DDX41: variants seen among roughly 807,000 people sequenced by gnomAD.
DDX41 encodes DEAD-box helicase 41, also known as probable ATP-dependent RNA helicase DDX41.
DDX41 carries 50 observed loss-of-function variants against 78.8 expected under a neutral mutation model. The ratio of observed to expected loss-of-function variants is 0.63; its 90% CI spans 0.51 to 0.80. The LOEUF is 0.80. Ranked by LOEUF, DDX41 falls within the 30% of genes least tolerant of loss-of-function variation. DDX41 has a pLI of 0.00. For missense variants in DDX41, 633 were observed against 849.2 expected (o/e 0.75, Z 3.16); for synonymous variants, 381 against 321.5 (o/e 1.19, Z -1.98).
rs1761066911 is a variant in DDX41, at chr5:177,513,321, TGA to T, written c.1230+30_1230+31del. 10 of 1,613,496 alleles carry T rather than the reference TGA, an allele frequency of 6.2e-6. No individual in the cohort carries two copies. Among genetic ancestry groups the T allele is most frequent in the Non-Finnish European group, 8.5e-6 (10 of 1,179,876 alleles). ...ACTTGTCAGATCCAGCCCCCACAGG[TGA>T]GAGACCGCCCATCAGGAGCACCTGC... On this transcript the variant is annotated intron_variant, in intron 11 of 16. Coordinates refer to ENST00000330503, the MANE Select transcript of DDX41 (RefSeq NM_016222.4). The surrounding 1 kb of genome is among the most constrained non-coding windows in gnomAD (Gnocchi z 4.6).
chr5:177,516,680 C>T (rs1761249697), intron 2 of DDX41, 45 bp downstream of exon 2: 1 of 1,543,678 alleles, frequency 6.5e-7, no homozygotes. Flanking sequence ...CCCCCTGCGA[C>T]CCCGCGGTCA....
chr5:177,512,267 GGC>G lies in DDX41; in HGVS notation c.1621+53_1621+54del. ...TGGGCTCTGTGGCCAGAACCTGGGT[GGC>G]CACAGGCAGGGGACCCAGGGAACAG... On this transcript the variant is annotated intron_variant, in intron 15 of 16. Coordinates refer to ENST00000330503, the MANE Select transcript of DDX41 (RefSeq NM_016222.4). The G allele has an allele frequency of 3.1e-6, 5 of 1,613,788 alleles. No homozygotes were observed. The South Asian group carries it at 5.5e-5, about 18-fold the overall frequency.
rs1433369826 is a variant in DDX41 at position 177,514,995 on chromosome 5, A to G, written c.719T>C (p.Ile240Thr). 2.5e-6 allele frequency: 4 copies of G among 1,613,758 alleles called. No homozygotes were observed. The highest frequency in any genetic ancestry group is 2.5e-6 in the Non-Finnish European group (3 of 1,179,912). The change falls in exon 8 of 17, where the codon ATC becomes ACC. Residue 240 changes from isoleucine (I) to threonine (T), a missense_variant. Ile to Thr is a moderately conservative substitution (Grantham distance 89, BLOSUM62 -1). This residue lies in a region of DDX41 where 151 missense variants were observed against 169.2 expected (regional missense o/e 0.89). Transcript: ENST00000330503. This position sits in a 1 kb window ranked among gnomAD's most constrained non-coding sequence, Gnocchi z 4.2. ...CTTCTCTTGTTCCAGGCAGAACATG[A>G]TGACGGGCAACGTGAACACCAGTGT... is the stretch of plus-strand genomic sequence containing the variant. The part of the protein sequence containing the change: ...GKTLVFTLPV[I>T]MFCLEQEKRL...
rs752411607 is a variant in DDX41, at chr5:177,516,349, T to C, written c.237A>G (p.Leu79=). ...GGAGGCTGACGTTGGACTGAGGGCC[T>C]AGCGGGATGTCGTCCTCATCTCCCC... is the stretch of plus-strand genomic sequence containing the variant. ...EPRGDEDDIP[L]GPQSNVSLLD... The change falls in exon 3 of 17, where the codon CTA becomes CTG. Residue 79 remains leucine (L), a synonymous_variant. Coordinates refer to ENST00000330503, the MANE Select transcript of DDX41 (RefSeq NM_016222.4). 4.3e-6 allele frequency: 7 copies of C among 1,614,120 alleles called. No individual in the cohort carries two copies. The highest frequency in any genetic ancestry group is 5.9e-6 in the Non-Finnish European group (7 of 1,180,038).
At chr5:177,515,456 C>T (rs1165431980) in intron 6 of DDX41, 198 bp from the exon 7 acceptor site, 2 of 860,158 alleles carry the variant, frequency 2.3e-6, no homozygotes, top group Non-Finnish European at 1.9e-6. Flanking sequence ...AGGATTTGTA[C>T]CCAGTGTCTA....
chr5:177,513,662 C>A lies in DDX41; in HGVS notation c.1098+23G>T. ...GTGCAGTGGGGGGCGGTGCAGGGTG[C>A]CCTGGCCGGGCGGGGGCGGCACCTT... On this transcript the variant is annotated intron_variant, in intron 10 of 16. Transcript: ENST00000330503. The surrounding 1 kb of genome is among the most constrained non-coding windows in gnomAD (Gnocchi z 4.6). 1 of 1,612,404 alleles carries A rather than the reference C, an allele frequency of 6.2e-7. No individual in the cohort carries two copies. Among genetic ancestry groups the A allele is most frequent in the Non-Finnish European group, 8.5e-7 (1 of 1,179,610 alleles).
chr5:177,512,368 G>A lies in DDX41; in HGVS notation c.1575C>T (p.Arg525=). The part of the protein sequence containing the change: ...NYVHRIGRTG[R]SGNTGIATTF... Reference sequence around the variant, plus strand: ...TAGTGGCGATGCCTGTGTTTCCCGAGCGCCCGGTGCGGCCAATCCGGTGTA... The same window carrying A: ...TAGTGGCGATGCCTGTGTTTCCCGAACGCCCGGTGCGGCCAATCCGGTGTA... Residue 525 remains arginine, a synonymous_variant, in exon 15 of 17, where the codon CGC becomes CGT. Transcript: ENST00000330503. 1 of 1,614,024 alleles carries A rather than the reference G, an allele frequency of 6.2e-7. No individual in the cohort carries two copies. Among genetic ancestry groups the A allele is most frequent in the Non-Finnish European group, 8.5e-7 (1 of 1,179,990 alleles).
chr5:177,512,262 T>G lies in DDX41; in HGVS notation c.1622-56A>C, dbSNP rs187526617. 80 of 1,613,660 alleles carry G rather than the reference T, an allele frequency of 5.0e-5. No homozygotes were observed. The East Asian group carries it at 1.7e-3, about 35-fold the overall frequency. On this transcript the variant is annotated intron_variant, in intron 15 of 16. Coordinates refer to ENST00000330503, the MANE Select transcript of DDX41 (RefSeq NM_016222.4). ...CATCCTGGGCTCTGTGGCCAGAACC[T>G]GGGTGGCCACAGGCAGGGGACCCAG...
At position 177,513,681 on chromosome 5, in the gene DDX41, G is replaced by A. The variant is rs752792414; in HGVS notation, c.1098+4C>T. 2 of 1,613,046 alleles carry A rather than the reference G, an allele frequency of 1.2e-6. No individual in the cohort carries two copies. Among genetic ancestry groups the A allele is most frequent in the African/African-American group, 1.3e-5 (1 of 74,908 alleles). On this transcript the variant is annotated splice_donor_region_variant and intron_variant, in intron 10 of 16. Coordinates refer to ENST00000330503, the MANE Select transcript of DDX41 (RefSeq NM_016222.4). The surrounding 1 kb of genome is among the most constrained non-coding windows in gnomAD (Gnocchi z 4.6). ...AGGGTGCCCTGGCCGGGCGGGGGCGGCACCTTGAAGTAGGAGAAGATGGTA... is the reference window on the plus strand; with the variant it reads ...AGGGTGCCCTGGCCGGGCGGGGGCGACACCTTGAAGTAGGAGAAGATGGTA...
At chr5:177,516,496 A>C in intron 2 of DDX41, 49 bp from the exon 3 acceptor site, 1 of 1,603,954 alleles carries the variant, frequency 6.2e-7, no homozygotes, top group East Asian at 2.2e-5. Flanking sequence ...GGAGTCCACA[A>C]GGTCAGCGTC....
chr5:177,512,158 T>C lies in DDX41; in HGVS notation c.1670A>G (p.Gln557Arg). The C allele has an allele frequency of 6.2e-7, 1 of 1,613,630 alleles. No homozygotes were observed. Among genetic ancestry groups the C allele is most frequent in the South Asian group, 1.1e-5 (1 of 91,082 alleles). ...DLKALLLEAKQKVPPVLQVLH... is the reference protein window; with the variant it reads ...DLKALLLEAKRKVPPVLQVLH... ...CACCTGCAGCACGGGCGGCACCTTCTGCTTGGCTTCTAGCAGCAGCGCTTT... is the reference window on the plus strand; with the variant it reads ...CACCTGCAGCACGGGCGGCACCTTCCGCTTGGCTTCTAGCAGCAGCGCTTT... The change falls in exon 16 of 17, where the codon CAG (glutamine) becomes CGG (arginine). Residue 557 changes from glutamine (Q) to arginine (R), a missense_variant. Gln to Arg is a conservative substitution (Grantham distance 43, BLOSUM62 1). Coordinates refer to ENST00000330503, the MANE Select transcript of DDX41 (RefSeq NM_016222.4).
rs757521888 is a variant in DDX41 at position 177,513,359 on chromosome 5, G to A, written c.1224C>T (p.Val408=). 5 of 1,614,106 alleles carry A rather than the reference G, an allele frequency of 3.1e-6. 1 individual carries two copies. The highest frequency in any genetic ancestry group is 2.2e-5 in the South Asian group (2 of 91,078). ...VGRAGAASLD[V]IQEVEYVKEE... ...ATCAGGAGCACCTGCCCACCTGGAT[G>A]ACATCCAGGCTGGCAGCCCCAGCGC... Residue 408 remains valine, a synonymous_variant, in exon 11 of 17, where the codon GTC becomes GTT. Transcript: ENST00000330503. The surrounding 1 kb of genome is among the most constrained non-coding windows in gnomAD (Gnocchi z 4.6).
Position 177,513,281 on chromosome 5 carries a change from A to T in DDX41, c.1230+72T>A, listed in dbSNP as rs544821905. ...CCCACAAGGTGGACCCCCGGCTCCA[A>T]TCAGCTTCAGGGAGACTTGTCAGAT... On this transcript the variant is annotated intron_variant, in intron 11 of 16. Transcript: ENST00000330503. The surrounding 1 kb of genome is among the most constrained non-coding windows in gnomAD (Gnocchi z 4.6). 1 of 1,601,728 alleles carries T rather than the reference A, an allele frequency of 6.2e-7. No individual in the cohort carries two copies. The highest frequency in any genetic ancestry group is 1.3e-5 in the African/African-American group (1 of 74,544).
intron 12 of DDX41, 25 bp from the exon 13 acceptor site, chr5:177,512,901 C>G (rs1761041241): frequency 6.2e-7 from 1 of 1,612,110 alleles, no homozygotes; most frequent in Non-Finnish European, 8.5e-7. Flanking sequence ...CAACTCCAGT[C>G]AGGGGCTAAC....
Position 177,513,988 on chromosome 5 carries a change from T to A in DDX41, c.936-141A>T. 2 of 860,444 alleles carry A rather than the reference T, an allele frequency of 2.3e-6. No individual in the cohort carries two copies. 53.3% of individuals were successfully genotyped at this position (860,444 alleles called of 1,614,324 possible). ...TCCCCTTCTCATCATTCCCACCACCTGCCCTATGTATAGCACACAGCTCTT... is the reference window on the plus strand; with the variant it reads ...TCCCCTTCTCATCATTCCCACCACCAGCCCTATGTATAGCACACAGCTCTT... On this transcript the variant is annotated intron_variant, in intron 9 of 16. Transcript: ENST00000330503. The surrounding 1 kb of genome is among the most constrained non-coding windows in gnomAD (Gnocchi z 4.6).
In DDX41 at chr5:177,513,854, A is replaced by C. The variant is rs146125027; in HGVS notation, c.936-7T>G. On this transcript the variant is annotated splice_region_variant and splice_polypyrimidine_tract_variant and intron_variant, in intron 9 of 16. Coordinates refer to ENST00000330503, the MANE Select transcript of DDX41 (RefSeq NM_016222.4). This position sits in a 1 kb window ranked among gnomAD's most constrained non-coding sequence, Gnocchi z 4.6. ...CACCATCATGTGTACACCGCTGGGG[A>C]CCAAGGAGAGACCCTGAGGTTGGGG... The C allele has an allele frequency of 2.0e-5, 32 of 1,613,154 alleles. No individual in the cohort carries two copies. Among genetic ancestry groups the C allele is most frequent in the Middle Eastern group, 1.7e-4 (1 of 6,060 alleles).
Position 177,514,961 on chromosome 5 carries a change from G to T in DDX41, c.753C>A (p.Pro251=), listed in dbSNP as rs778514273. The T allele has an allele frequency of 1.9e-6, 3 of 1,613,170 alleles. No individual in the cohort carries two copies. The highest frequency in any genetic ancestry group is 2.5e-6 in the Non-Finnish European group (3 of 1,179,488). ...MFCLEQEKRL[P]FSKREGPYGL... Reference sequence around the variant, plus strand: ...CATAGGGCCCCTCGCGCTTTGAGAAGGGTAACCTCTTCTCTTGTTCCAGGC... The same window carrying T: ...CATAGGGCCCCTCGCGCTTTGAGAATGGTAACCTCTTCTCTTGTTCCAGGC... Residue 251 remains proline, a synonymous_variant, in exon 8 of 17, where the codon CCC becomes CCA. Coordinates refer to ENST00000330503, the MANE Select transcript of DDX41 (RefSeq NM_016222.4). The surrounding 1 kb of genome is among the most constrained non-coding windows in gnomAD (Gnocchi z 4.2).
At chr5:177,512,905 G>C in intron 12 of DDX41, 29 bp from the exon 13 acceptor site, 1 of 1,609,626 alleles carries the variant, frequency 6.2e-7, no homozygotes, top group Admixed American at 1.7e-5. Flanking sequence ...TCCAGTCAGG[G>C]GCTAACTGCC....
At position 177,514,021 on chromosome 5, in the gene DDX41, G is replaced by A. The variant is rs1468332573; in HGVS notation, c.936-174C>T. On this transcript the variant is annotated intron_variant, in intron 9 of 16. Coordinates refer to ENST00000330503, the MANE Select transcript of DDX41 (RefSeq NM_016222.4). This position sits in a 1 kb window ranked among gnomAD's most constrained non-coding sequence, Gnocchi z 4.2. ...GTATAGCACACAGCTCTTTCCCAAG[G>A]CACTGCAGCCATCTTCACCACCGCT... 6.6e-6 allele frequency among the ~76,000 whole-genome samples: 1 copy of A among 152,048 alleles called. No individual in the cohort carries two copies. Among genetic ancestry groups the A allele is most frequent in the African/African-American group, 2.4e-5 (1 of 41,380 alleles).
Sources: allele counts gnomAD v4.1 joint callset (sites outside exome capture counted in the v4.1 genomes callset), GRCh38; gene constraint gnomAD v4.1.1; regional missense constraint gnomAD v4.1.1; non-coding constraint Gnocchi (gnomAD v3.1); transcripts MANE v1.5; gene names NCBI Gene and HGNC (gene_info 2026-07-23, HGNC 2026-07-21).